The following GRIK3 variants were observed in gnomAD, a reference collection of about 807,000 sequenced individuals.
GRIK3 encodes glutamate receptor ionotropic, kainate 3.
GRIK3 carries 29 observed loss-of-function variants against 102.5 expected under a neutral mutation model. That is an observed-to-expected ratio of 0.28 (90% CI 0.21 to 0.39). The LOEUF (loss-of-function observed/expected upper bound fraction) is 0.39, where lower values mean the gene tolerates loss of function less well. Ranked by LOEUF, GRIK3 falls within the 10% of genes least tolerant of loss-of-function variation. The probability of loss-of-function intolerance (pLI) is 1.00; values close to 1 mark genes in which losing one functional copy is unlikely to be tolerated. For missense variants in GRIK3, 908 were observed against 1,252.4 expected (o/e 0.73, Z 4.15); for synonymous variants, 511 against 504.9 (o/e 1.01, Z -0.16).
intron 1 of GRIK3, among the ~76,000 whole-genome samples, chr1:37,021,298 A>G (rs553917843): frequency 3.2e-4 from 48 of 152,244 alleles, no homozygotes; most frequent in African/African-American, 1.2e-3. Context: ...GTGAAAGAAA[A>G]AAAAATGGGG....
intron 1 of GRIK3, among the ~76,000 whole-genome samples, chr1:36,949,950 C>A (rs191358103): frequency 5.3e-5 from 8 of 152,210 alleles, no homozygotes; most frequent in Admixed American, 3.3e-4. Context: ...GTCAAGCAAC[C>A]TTCCCAAAAT....
At chr1:37,031,222 A>G (rs113413434) in intron 1 of GRIK3, among the ~76,000 whole-genome samples, 3 of 152,366 alleles carry the variant, frequency 2.0e-5, no homozygotes, top group African/African-American at 7.2e-5. Flanking sequence ...CCACATATTC[A>G]CATAAAATAA....
chr1:37,024,742 C>CAAAAAAA, intron 1 of GRIK3, among the ~76,000 whole-genome samples: 1 of 71,034 alleles, frequency 1.4e-5, no homozygotes, highest in Non-Finnish European at 2.7e-5. Flanking sequence ...GACTCCATCT[C>CAAAAAAA]AAAAAAAAAA....
intron 1 of GRIK3, among the ~76,000 whole-genome samples, chr1:36,949,722 G>A (rs1358062332): frequency 1.3e-5 from 2 of 151,576 alleles, no homozygotes; most frequent in African/African-American, 4.8e-5. Flanking sequence ...TTACAGGTGT[G>A]TGCCACCATG....
At chr1:36,894,513 C>T (rs951179978) in intron 1 of GRIK3, among the ~76,000 whole-genome samples, 2 of 152,194 alleles carry the variant, frequency 1.3e-5, no homozygotes, top group Non-Finnish European at 2.9e-5. Flanking sequence ...GTCCTAACAA[C>T]CAGTTAAGGC....
At chr1:36,971,398 T>C (rs138539669) in intron 1 of GRIK3, among the ~76,000 whole-genome samples, 41 of 152,294 alleles carry the variant, frequency 2.7e-4, no homozygotes, top group African/African-American at 8.9e-4. Context: ...AGTCAAGGGA[T>C]GGCATGGCTT....
chr1:36,815,305 G>C (rs1376694416), intron 13 of GRIK3, among the ~76,000 whole-genome samples: 2 of 152,222 alleles, frequency 1.3e-5, no homozygotes, highest in Non-Finnish European at 2.9e-5. Flanking sequence ...GGGACATGGT[G>C]GGGGCTGGGC....
chr1:36,907,051 A>C (rs1184182037), intron 1 of GRIK3, among the ~76,000 whole-genome samples: 1 of 152,204 alleles, frequency 6.6e-6, no homozygotes, highest in Admixed American at 6.5e-5. Flanking sequence ...TGTATCAATA[A>C]AAACATAAAA....
At chr1:36,993,318 G>C (rs1468568934) in intron 1 of GRIK3, among the ~76,000 whole-genome samples, 10 of 152,142 alleles carry the variant, frequency 6.6e-5, no homozygotes, top group Non-Finnish European at 1.3e-4. Flanking sequence ...CCAGGCTGGA[G>C]TGCAGTGGTG....
intron 1 of GRIK3, among the ~76,000 whole-genome samples, chr1:36,957,594 GC>G (rs1295543152): frequency 7.2e-6 from 1 of 137,970 alleles, no homozygotes; most frequent in Non-Finnish European, 1.5e-5. Context: ...GAGTCTCTGT[GC>G]CCCGTGAGCC....
At chr1:36,813,078 G>A (rs1642581229) in intron 13 of GRIK3, among the ~76,000 whole-genome samples, 1 of 152,130 alleles carries the variant, frequency 6.6e-6, no homozygotes, top group Non-Finnish European at 1.5e-5. Context: ...ACTGTGGCTG[G>A]GTCCTTAGAG....
Position 36,805,050 on chromosome 1 carries a change from G to A in GRIK3, c.2502C>T (p.Leu834=). 1 of 1,614,226 alleles carries A rather than the reference G, an allele frequency of 6.2e-7. No individual in the cohort carries two copies. The highest frequency in any genetic ancestry group is 8.5e-7 in the Non-Finnish European group (1 of 1,180,042). Residue 834 remains leucine, a synonymous_variant, in exon 15 of 16, where the codon CTC becomes CTT. Transcript: ENST00000373091. Reference sequence around the variant, plus strand: ...ACTCGCCCACGGCCACCAGCACAGAGAGGACCAGCCCGGCGGCCAGGACAA... The same window carrying A: ...ACTCGCCCACGGCCACCAGCACAGAAAGGACCAGCCCGGCGGCCAGGACAA... ...IFIVLAAGLV[L]SVLVAVGEFV... is the part of the protein sequence containing the mutation.
At chr1:36,932,226 T>C (rs1641598756) in intron 1 of GRIK3, among the ~76,000 whole-genome samples, 1 of 152,212 alleles carries the variant, frequency 6.6e-6, no homozygotes, top group African/African-American at 2.4e-5. Flanking sequence ...TTAGTCATCA[T>C]ATGACTTCAT....
rs527679108 is a variant in GRIK3 at position 37,027,317 on chromosome 1, C to T, written c.115+6677G>A. Among the ~76,000 whole-genome samples the T allele has an allele frequency of 2.0e-4, 30 of 152,308 alleles. 1 individual carries two copies. In the South Asian group the frequency reaches 5.8e-3, roughly 29 times the overall value. ...ATCTGAACAACCTGTTGTCCTCAAA[C>T]CCAGTCCCCTGGCCCTCAATTTGGT... On this transcript the variant is annotated intron_variant, in intron 1 of 15. Transcript: ENST00000373091.
intron 1 of GRIK3, among the ~76,000 whole-genome samples, chr1:37,016,440 T>C (rs761805798): frequency 1.3e-5 from 2 of 152,140 alleles, no homozygotes; most frequent in East Asian, 1.9e-4. Context: ...TAAACAGGAA[T>C]GGGACAAGAT....
At chr1:36,983,509 C>T (rs964044704) in intron 1 of GRIK3, among the ~76,000 whole-genome samples, 1 of 152,096 alleles carries the variant, frequency 6.6e-6, no homozygotes, top group Admixed American at 6.5e-5. Flanking sequence ...CGTCTTTATT[C>T]CTCACTGCAA....
chr1:36,909,878 G>A (rs960246532), intron 1 of GRIK3, among the ~76,000 whole-genome samples: 3 of 152,114 alleles, frequency 2.0e-5, no homozygotes, highest in Non-Finnish European at 4.4e-5. Flanking sequence ...CTAAGCATTA[G>A]TGCCTATATT....
At position 36,958,440 on chromosome 1, in the gene GRIK3, C is replaced by T. The variant is rs535979861; in HGVS notation, c.116-67344G>A. 4.4e-4 allele frequency among the ~76,000 whole-genome samples: 61 copies of T among 138,630 alleles called. 1 individual carries two copies. The highest frequency in any genetic ancestry group is 1.7e-3 in the African/African-American group (59 of 35,018). 90.9% of individuals were successfully genotyped at this position (138,630 alleles called of 152,430 possible). On this transcript the variant is annotated intron_variant, in intron 1 of 15. Transcript: ENST00000373091. ...AGTCTGTGCCCCGTGACTCTGTGCCCCGAGTCTGTGTGCCCTGTGAGTCTG... is the reference window on the plus strand; with the variant it reads ...AGTCTGTGCCCCGTGACTCTGTGCCTCGAGTCTGTGTGCCCTGTGAGTCTG...
chr1:36,953,457 G>T (rs927063284), intron 1 of GRIK3, among the ~76,000 whole-genome samples: 2 of 152,164 alleles, frequency 1.3e-5, no homozygotes, highest in African/African-American at 4.8e-5. Context: ...TTAAGCAGGA[G>T]AGTGCCATGA....
Sources: allele counts gnomAD v4.1 joint callset (sites outside exome capture counted in the v4.1 genomes callset), GRCh38; gene constraint gnomAD v4.1.1; transcripts MANE v1.5; gene names NCBI Gene and HGNC (gene_info 2026-07-23, HGNC 2026-07-21).